UNC93A: variants seen among roughly 807,000 people sequenced by gnomAD.
UNC93A encodes unc-93 homolog A.
In UNC93A, 43 loss-of-function variants were observed where a neutral mutation model predicts 47.5. The observed-to-expected ratio is 0.91, with a 90% CI of 0.71 to 1.17. UNC93A has a LOEUF of 1.17. UNC93A is among the 50% of genes most tolerant of loss of function. UNC93A has a pLI of 0.00. For missense variants in UNC93A, 605 were observed against 577.6 expected, an observed-to-expected ratio of 1.05 and a Z score of -0.49; for synonymous variants, 280 against 258.0, an observed-to-expected ratio of 1.09 and a Z score of -0.82.
intron 4 of UNC93A, among the ~76,000 whole-genome samples, chr6:167,302,138 G>A (rs1415281880): frequency 6.6e-6 from 1 of 152,168 alleles, no homozygotes; most frequent in African/African-American, 2.4e-5. Flanking sequence ...ATTACCAATG[G>A]TGCTTTCTGA....
intron 7 of UNC93A, among the ~76,000 whole-genome samples, chr6:167,308,664 G>A (rs941140492): frequency 4.6e-5 from 7 of 152,100 alleles, no homozygotes; most frequent in Middle Eastern, 3.4e-3. Context: ...GAGGAGTGGG[G>A]TGGAGTGGCA....
chr6:167,300,657 G>C (rs1030829824), intron 4 of UNC93A, among the ~76,000 whole-genome samples: 9 of 152,136 alleles, frequency 5.9e-5, no homozygotes, highest in African/African-American at 2.2e-4. Context: ...TGGAATTGTG[G>C]TCATGTTTTC....
At chr6:167,275,795 C>T (rs1027143405) in intron 1 of UNC93A, among the ~76,000 whole-genome samples, 1 of 152,192 alleles carries the variant, frequency 6.6e-6, no homozygotes. Context: ...GTTGTATGCT[C>T]GAGTATCCAA....
intron 7 of UNC93A, among the ~76,000 whole-genome samples, chr6:167,310,217 C>G (rs1778519831): frequency 6.6e-6 from 1 of 152,262 alleles, no homozygotes; most frequent in South Asian, 2.1e-4. Context: ...CTTATCTGAA[C>G]TTACATGAAT....
intron 7 of UNC93A, among the ~76,000 whole-genome samples, chr6:167,310,177 G>A (rs1193709784): frequency 1.3e-5 from 2 of 152,226 alleles, no homozygotes; most frequent in African/African-American, 2.4e-5. Flanking sequence ...CTCCCCAAAT[G>A]CACATCCCAT....
chr6:167,294,356 C>T (rs183112450), intron 1 of UNC93A, among the ~76,000 whole-genome samples, 161 bp from the exon 2 acceptor site: 42 of 152,296 alleles, frequency 2.8e-4, no homozygotes, highest in South Asian at 1.0e-3. Flanking sequence ...CTGCACTTTT[C>T]TCCCACCAGC....
chr6:167,294,190 G>C (rs565867335), intron 1 of UNC93A, among the ~76,000 whole-genome samples: 1 of 152,264 alleles, frequency 6.6e-6, no homozygotes, highest in Admixed American at 6.5e-5. Context: ...GCCCCATCCT[G>C]TCACACTGTC....
intron 4 of UNC93A, among the ~76,000 whole-genome samples, chr6:167,303,217 T>C (rs1778290343): frequency 6.6e-6 from 1 of 152,220 alleles, no homozygotes; most frequent in Non-Finnish European, 1.5e-5. Context: ...GCCTGCTTTA[T>C]TCCTAGACAT....
At chr6:167,310,910 A>G (rs548497761) in intron 7 of UNC93A, among the ~76,000 whole-genome samples, 8 of 152,318 alleles carry the variant, frequency 5.3e-5, no homozygotes, top group Non-Finnish European at 7.3e-5. Flanking sequence ...AAATATTTTC[A>G]TATACTTGAG....
rs1246923075 is a variant in UNC93A, at chr6:167,296,192, A to G, written c.430A>G (p.Ile144Val). The G allele has an allele frequency of 3.1e-6, 5 of 1,614,096 alleles. No individual in the cohort carries two copies. The change falls in exon 3 of 8, where the codon ATA (isoleucine) becomes GTA (valine). Residue 144 changes from isoleucine to valine, a missense_variant. Ile to Val is a conservative substitution (Grantham distance 29). Transcript: ENST00000230256. ...VNQYFGIFFL[I>V]FQSSGVWGNL... ...CCAGTATTTTGGCATCTTCTTCCTC[A>G]TATTCCAGTCATCCGGTGTGTGGGG...
chr6:167,306,088 C>G, intron 6 of UNC93A, 38 bp downstream of exon 6: 1 of 1,609,782 alleles, frequency 6.2e-7, no homozygotes, highest in Non-Finnish European at 8.5e-7. Context: ...GCTGTCATAA[C>G]GATTTGCAGT....
chr6:167,277,834 C>T (rs971966399), intron 1 of UNC93A, among the ~76,000 whole-genome samples: 3 of 137,530 alleles, frequency 2.2e-5, no homozygotes, highest in African/African-American at 9.3e-5. Flanking sequence ...TGTCTCTGTT[C>T]TTCTCCCTCT....
At position 167,275,018 on chromosome 6, in the gene UNC93A, T is replaced by C. The variant is rs144545912; in HGVS notation, c.-52+3560T>C. 6.7e-3 allele frequency among the ~76,000 whole-genome samples: 1,022 copies of C among 152,290 alleles called. 22 individuals carry two copies. Among genetic ancestry groups the C allele is most frequent in the African/African-American group, 0.023 (958 of 41,536 alleles). On this transcript the variant is annotated intron_variant, in intron 1 of 3. Coordinates refer to the UNC93A transcript ENST00000503433. ...TGAGTCCCAGAGTGTGGTTCTAAGA[T>C]GGACTGAGTTCTGCTTTTCCAATGG...
chr6:167,279,854 G>T (rs1783602911), intron 1 of UNC93A, among the ~76,000 whole-genome samples: 2 of 152,228 alleles, frequency 1.3e-5, no homozygotes, highest in Admixed American at 6.5e-5. Context: ...ATGCATAAAA[G>T]AGAGTAGGAC....
rs376773048 is a variant in UNC93A, at chr6:167,294,691, G to A, written c.262G>A (p.Ala88Thr). The A allele has an allele frequency of 9.4e-6, 15 of 1,592,440 alleles. No individual in the cohort carries two copies. Among genetic ancestry groups the A allele is most frequent in the Middle Eastern group, 3.3e-4 (2 of 5,980 alleles). Residue 88 changes from alanine (A) to threonine (T), a missense_variant, in exon 2 of 8, where the codon GCC becomes ACC. Physicochemically the swap from Ala to Thr is moderately conservative, Grantham distance 58 (BLOSUM62 0). Transcript: ENST00000230256. ...YVAFSVGNFF[A>T]SWYTLIPTSI... ...GGCCTTCTCCGTGGGCAACTTCTTC[G>A]CCAGCTGGTACGCAGCCACCACCCC... is the stretch of plus-strand genomic sequence containing the variant.
chr6:167,295,695 C>T (rs528838131), intron 2 of UNC93A, among the ~76,000 whole-genome samples: 12 of 132,470 alleles, frequency 9.1e-5, no homozygotes, highest in Non-Finnish European at 1.7e-4. Flanking sequence ...TCGCCTGCCT[C>T]GTGCTCCTCG....
At chr6:167,275,983 C>T (rs1321848462) in intron 1 of UNC93A, among the ~76,000 whole-genome samples, 2 of 152,092 alleles carry the variant, frequency 1.3e-5, no homozygotes, top group Non-Finnish European at 2.9e-5. Context: ...CCCTACCCCT[C>T]CCCTCTCCCT....
intron 3 of UNC93A, among the ~76,000 whole-genome samples, chr6:167,296,497 G>A (rs1015032649): frequency 2.0e-5 from 3 of 152,328 alleles, no homozygotes; most frequent in Admixed American, 6.5e-5. Context: ...AGGTGCCTCC[G>A]CAGGGGCAGG....
At chr6:167,314,402 ACC>A (rs1270127956) in intron 7 of UNC93A, among the ~76,000 whole-genome samples, 2 of 151,994 alleles carry the variant, frequency 1.3e-5, no homozygotes, top group African/African-American at 2.4e-5. Flanking sequence ...ACCCTGCCTC[ACC>A]GGGGCTCAGG....
Sources: gnomAD v4.1 joint callset for allele counts (sites outside exome capture counted in the v4.1 genomes callset) on GRCh38, gnomAD v4.1.1 for gene constraint, MANE v1.5 for transcripts, NCBI Gene and HGNC (gene_info 2026-07-23, HGNC 2026-07-21) for gene names.